Variants in RBMS3 observed in about 807,000 individuals in gnomAD.
The protein encoded by RBMS3 is RNA binding motif single stranded interacting protein 3.
In RBMS3, 27 loss-of-function variants were observed where a neutral mutation model predicts 66.8. The observed-to-expected ratio is 0.40, with a 90% CI of 0.30 to 0.56. RBMS3 has a LOEUF of 0.56. Ranked by LOEUF, RBMS3 falls within the 20% of genes least tolerant of loss-of-function variation. The pLI is 0.40. For synonymous variants in RBMS3, 188 were observed against 183.0 expected, an observed-to-expected ratio of 1.03 and a Z score of -0.22; for missense variants, 513 against 549.5, an observed-to-expected ratio of 0.93 and a Z score of 0.66.
At chr3:29,449,279 G>A (rs1056745339) in intron 2 of RBMS3, among the ~76,000 whole-genome samples, 11 of 152,032 alleles carry the variant, frequency 7.2e-5, no homozygotes, top group Admixed American at 1.3e-4. Context: ...CTAGTTTGGG[G>A]AAAAAAACTC....
At chr3:29,930,263 C>T (rs1437199537) in intron 10 of RBMS3, among the ~76,000 whole-genome samples, 1 of 151,308 alleles carries the variant, frequency 6.6e-6, no homozygotes, top group Non-Finnish European at 1.5e-5. Context: ...AGGCGCCTAC[C>T]ACCACGCCTG....
intron 1 of RBMS3, among the ~76,000 whole-genome samples, chr3:29,366,598 G>C (rs1015523216): frequency 1.3e-4 from 19 of 151,876 alleles, no homozygotes; most frequent in African/African-American, 4.6e-4. Context: ...TTGCCAAGCT[G>C]ATCTGGGATC....
intron 4 of RBMS3, among the ~76,000 whole-genome samples, chr3:29,633,089 G>T (rs1394847896): frequency 6.6e-6 from 1 of 151,686 alleles, no homozygotes; most frequent in African/African-American, 2.4e-5. Context: ...TATGATCCCT[G>T]CCTCTGCTGC....
intron 1 of RBMS3, among the ~76,000 whole-genome samples, chr3:29,354,525 TATAG>T (rs2037105772): frequency 6.6e-6 from 1 of 152,130 alleles, no homozygotes; most frequent in Non-Finnish European, 1.5e-5. Flanking sequence ...TAGACATAGA[TATAG>T]ATATTCTTGA....
chr3:29,289,715 T>C (rs1435237513), intron 1 of RBMS3, among the ~76,000 whole-genome samples: 2 of 151,868 alleles, frequency 1.3e-5, no homozygotes, highest in African/African-American at 4.8e-5. Context: ...TTTCCTGTTG[T>C]GTGGAAAGTA....
intron 10 of RBMS3, chr3:29,927,111 A>T (rs1223628376): frequency 6.6e-6 from 1 of 152,182 alleles, no homozygotes; most frequent in African/African-American, 2.4e-5. Flanking sequence ...TGGCTCTCAG[A>T]AGCCCTGGGA....
At chr3:29,837,651 A>C (rs984203309) in intron 6 of RBMS3, among the ~76,000 whole-genome samples, 2 of 130,576 alleles carry the variant, frequency 1.5e-5, no homozygotes, top group African/African-American at 6.4e-5. Context: ...ATGAACATAT[A>C]TATATAATGA....
intron 3 of RBMS3, among the ~76,000 whole-genome samples, chr3:29,494,169 A>T (rs2043653828): frequency 6.6e-6 from 1 of 152,222 alleles, no homozygotes; most frequent in African/African-American, 2.4e-5. Flanking sequence ...TTGTCTCCTT[A>T]GAGATAAAAA....
chr3:29,732,319 G>A (rs929620326), intron 4 of RBMS3, among the ~76,000 whole-genome samples: 22 of 152,172 alleles, frequency 1.4e-4, no homozygotes, highest in African/African-American at 5.3e-4. Context: ...ACTCTGGGGA[G>A]GATCAGCCTT....
intron 7 of RBMS3, among the ~76,000 whole-genome samples, chr3:29,883,858 T>C (rs1019790282): frequency 2.6e-5 from 4 of 152,052 alleles, no homozygotes; most frequent in Non-Finnish European, 1.5e-5. Flanking sequence ...TTGACAATAG[T>C]GTGAAATTAT....
intron 2 of RBMS3, among the ~76,000 whole-genome samples, chr3:29,466,706 G>A (rs1440183560): frequency 1.3e-5 from 2 of 152,138 alleles, no homozygotes; most frequent in African/African-American, 4.8e-5. Context: ...TGAACGGCAT[G>A]TCAAACACAA....
intron 8 of RBMS3, among the ~76,000 whole-genome samples, chr3:29,894,925 T>C (rs1406518605): frequency 6.6e-6 from 1 of 151,514 alleles, no homozygotes. Flanking sequence ...AGTGTAGAGA[T>C]GAGAGTGAGA....
intron 6 of RBMS3, among the ~76,000 whole-genome samples, chr3:29,789,650 G>A (rs2149424475): frequency 6.6e-6 from 1 of 152,002 alleles, no homozygotes; most frequent in South Asian, 2.1e-4. Context: ...ACTATTTGAG[G>A]GAGTCATTCC....
intron 1 of RBMS3, among the ~76,000 whole-genome samples, chr3:29,317,002 T>A (rs1008693991): frequency 1.3e-5 from 2 of 151,798 alleles, no homozygotes; most frequent in East Asian, 3.9e-4. Flanking sequence ...GTATGTAGAT[T>A]ATTCCCTTGC....
chr3:29,286,543 T>G (rs2032351755), intron 1 of RBMS3, among the ~76,000 whole-genome samples: 1 of 152,122 alleles, frequency 6.6e-6, no homozygotes, highest in Non-Finnish European at 1.5e-5. Context: ...CCTTTCACTT[T>G]CTTTCAATTT....
rs547259623 is a variant in RBMS3 at position 29,420,229 on chromosome 3, C to T, written c.76-14514C>T. On this transcript the variant is annotated intron_variant, in intron 1 of 14. Coordinates refer to ENST00000383767, the MANE Select transcript of RBMS3 (RefSeq NM_001003793.3). ...ATTATATCATGGAAACTTACTAAAT[C>T]AGCCTGTGCATTCCGCCCACATATT... 1.5e-4 allele frequency among the ~76,000 whole-genome samples: 23 copies of T among 152,292 alleles called. No individual in the cohort carries two copies. In the South Asian group the frequency reaches 4.6e-3, roughly 30 times the overall value.
chr3:29,985,694 C>T (rs1698338031), intron 12 of RBMS3, among the ~76,000 whole-genome samples: 1 of 152,126 alleles, frequency 6.6e-6, no homozygotes, highest in Non-Finnish European at 1.5e-5. Flanking sequence ...TCTAACCAAT[C>T]CCAATGAGAT....
At chr3:29,864,274 G>T (rs1020146288) in intron 6 of RBMS3, among the ~76,000 whole-genome samples, 7 of 152,130 alleles carry the variant, frequency 4.6e-5, no homozygotes, top group African/African-American at 1.7e-4. Flanking sequence ...AGAAACAACA[G>T]CAAAGGAACA....
rs1699847068 is a variant in RBMS3 at position 30,007,890 on chromosome 3, C to T, written c.*4028C>T. The T allele has an allele frequency of 6.6e-6, 1 of 151,974 alleles. No homozygotes were observed. Among genetic ancestry groups the T allele is most frequent in the Admixed American group, 6.6e-5 (1 of 15,236 alleles). The allele number at this position is 151,974 out of a possible 1,614,324, so 9.4% of individuals were successfully genotyped here. On this transcript the variant is annotated 3_prime_UTR_variant, in exon 15 of 15. Coordinates refer to ENST00000383767, the MANE Select transcript of RBMS3 (RefSeq NM_001003793.3). ...AAAGCATATGACTCACTTCCACCCC[C>T]TTCTAATGAAAAACTGCATGGTGTT... is the stretch of plus-strand genomic sequence containing the variant.
Sources: gnomAD v4.1 joint callset for allele counts (sites outside exome capture counted in the v4.1 genomes callset) on GRCh38, gnomAD v4.1.1 for gene constraint, MANE v1.5 for transcripts, NCBI Gene and HGNC (gene_info 2026-07-23, HGNC 2026-07-21) for gene names.